TNNI3K: variants seen among roughly 807,000 people sequenced by gnomAD.
TNNI3K encodes the protein serine/threonine-protein kinase TNNI3K.
A neutral mutation model predicts 114.5 loss-of-function variants in TNNI3K; 140 were observed. That is an observed-to-expected ratio of 1.22 (90% CI 1.07 to 1.41). The LOEUF is 1.41. Ranked by LOEUF, TNNI3K falls within the 40% of genes most tolerant of loss-of-function variation. TNNI3K has a pLI of 0.00. For synonymous variants in TNNI3K, 347 were observed against 347.5 expected, an observed-to-expected ratio of 1.00 and a Z score of 0.02; for missense variants, 1,125 against 1,007.6, an observed-to-expected ratio of 1.12 and a Z score of -1.58.
At chr1:74,248,913 T>C (rs1654756015) in intron 2 of TNNI3K, among the ~76,000 whole-genome samples, 1 of 152,300 alleles carries the variant, frequency 6.6e-6, no homozygotes, top group Non-Finnish European at 1.5e-5. Flanking sequence ...TTTTCTTCTA[T>C]TAATGTCCCT....
chr1:74,382,451 A>G (rs1250424362), intron 17 of TNNI3K, among the ~76,000 whole-genome samples: 1 of 152,186 alleles, frequency 6.6e-6, no homozygotes, highest in African/African-American at 2.4e-5. Flanking sequence ...GTCTTGGACT[A>G]AGATTCATTT....
intron 7 of TNNI3K, among the ~76,000 whole-genome samples, chr1:74,337,753 A>G (rs1008158595): frequency 6.6e-6 from 1 of 152,048 alleles, no homozygotes; most frequent in African/African-American, 2.4e-5. Context: ...ACCAAAGGTA[A>G]TTAATATTCT....
At chr1:74,470,124 T>A in intron 21 of TNNI3K, 1 of 400,756 alleles carries the variant, frequency 2.5e-6, no homozygotes, top group African/African-American at 2.0e-5. Flanking sequence ...TAAAATTATG[T>A]ACATTACTGT....
In TNNI3K at chr1:74,395,924, C is replaced by G. The variant is rs28416592; in HGVS notation, c.1772+25532C>G. 5.9e-3 allele frequency among the ~76,000 whole-genome samples: 901 copies of G among 152,168 alleles called. 9 individuals are homozygous for G. Among genetic ancestry groups the G allele is most frequent in the African/African-American group, 0.021 (852 of 41,460 alleles). On this transcript the variant is annotated intron_variant, in intron 17 of 24. Coordinates refer to ENST00000326637, the MANE Select transcript of TNNI3K (RefSeq NM_015978.3). ...GAGCCCATTCATCAGCCTTTGGGCT[C>G]TTGGCCTAAGTTTGGCTCAGATGAG...
intron 17 of TNNI3K, among the ~76,000 whole-genome samples, chr1:74,432,823 G>T (rs1557562321): frequency 6.6e-6 from 1 of 151,902 alleles, no homozygotes; most frequent in Non-Finnish European, 1.5e-5. Flanking sequence ...TCGTCCTTTG[G>T]GTATGGTTGG....
At chr1:74,409,607 C>A (rs1164397468) in intron 17 of TNNI3K, among the ~76,000 whole-genome samples, 2 of 150,374 alleles carry the variant, frequency 1.3e-5, no homozygotes, top group African/African-American at 4.9e-5. Context: ...GATTCTCCTG[C>A]CTCAACCTCC....
chr1:74,433,492 G>GAGA (rs1665985592), intron 17 of TNNI3K, among the ~76,000 whole-genome samples: 1 of 152,138 alleles, frequency 6.6e-6, no homozygotes, highest in South Asian at 2.1e-4. Context: ...TGAGTGGTTA[G>GAGA]AGAAGGAGTG....
rs543268189 is a variant in TNNI3K, at chr1:74,253,804, G to C, written c.333+3035G>C. ...CCCAGGAAGGGGCTCCCACAGTGCA[G>C]CAGCGGGCTGAAGGGCTCCTCAAGT... On this transcript the variant is annotated intron_variant, in intron 4 of 24. Transcript: ENST00000326637. Among the ~76,000 whole-genome samples the C allele has an allele frequency of 2.0e-5, 3 of 152,342 alleles. No homozygotes were observed. In the South Asian group the frequency reaches 6.2e-4, roughly 32 times the overall value.
chr1:74,358,711 G>A (rs1431501632), intron 11 of TNNI3K, among the ~76,000 whole-genome samples: 1 of 151,806 alleles, frequency 6.6e-6, no homozygotes, highest in East Asian at 1.9e-4. Flanking sequence ...GTGAATTTTT[G>A]TTTTCGTATA....
intron 11 of TNNI3K, among the ~76,000 whole-genome samples, chr1:74,356,138 T>A (rs769289570): frequency 6.6e-6 from 1 of 152,192 alleles, no homozygotes; most frequent in Non-Finnish European, 1.5e-5. Flanking sequence ...GCTATGTACT[T>A]CTTTGTGTCT....
chr1:74,519,875 A>G (rs1348272429), intron 23 of TNNI3K, among the ~76,000 whole-genome samples: 1 of 152,132 alleles, frequency 6.6e-6, no homozygotes, highest in African/African-American at 2.4e-5. Context: ...TGGGTGTCCT[A>G]TCTGTGGGAG....
At chr1:74,469,832 AAAG>A (rs1667836795) in intron 21 of TNNI3K, 2 of 400,062 alleles carry the variant, frequency 5.0e-6, no homozygotes, top group Non-Finnish European at 8.9e-6. Context: ...CCTCTTGAAG[AAAG>A]CTAAAGTAGA....
At chr1:74,397,180 G>A (rs1664129288) in intron 17 of TNNI3K, among the ~76,000 whole-genome samples, 1 of 145,754 alleles carries the variant, frequency 6.9e-6, no homozygotes. Context: ...CCGAGTATGA[G>A]GGAGAAAGGA....
At chr1:74,351,435 A>G (rs1661333630) in intron 9 of TNNI3K, among the ~76,000 whole-genome samples, 1 of 150,484 alleles carries the variant, frequency 6.6e-6, no homozygotes, top group Admixed American at 6.6e-5. Context: ...GAATCTGACA[A>G]TTATGTGTCT....
chr1:74,305,360 A>T (rs1192150612), intron 5 of TNNI3K, among the ~76,000 whole-genome samples: 3 of 152,198 alleles, frequency 2.0e-5, no homozygotes, highest in African/African-American at 7.2e-5. Context: ...TTCAGGATCA[A>T]TACCCATGAA....
At chr1:74,399,155 T>TGAA (rs1664234045) in intron 17 of TNNI3K, among the ~76,000 whole-genome samples, 1 of 79,844 alleles carries the variant, frequency 1.3e-5, no homozygotes, top group African/African-American at 9.5e-5. Context: ...GCAAAACCCA[T>TGAA]TAAAAAAAAA....
At chr1:74,483,375 C>T in intron 21 of TNNI3K, 1 of 717,078 alleles carries the variant, frequency 1.4e-6, no homozygotes, top group Non-Finnish European at 2.6e-6. Context: ...CAGCCATCCA[C>T]CTGAAAGGAA....
chr1:74,367,147 T>G, intron 11 of TNNI3K, 109 bp from the exon 12 acceptor site: 2 of 1,030,648 alleles, frequency 1.9e-6, no homozygotes, highest in Non-Finnish European at 2.9e-6. Flanking sequence ...TTACCTCTTA[T>G]GATTTGTCCT....
rs146015238 is a variant in TNNI3K, at chr1:74,483,939, C to T, written c.2122-5250C>T. Among the ~76,000 whole-genome samples, 4 of 152,258 alleles carry T rather than the reference C, an allele frequency of 2.6e-5. 1 individual carries two copies. In the East Asian group the frequency reaches 5.8e-4, roughly 22 times the overall value. Reference sequence around the variant, plus strand: ...GTCAAGATTAAGCTCACAAGCTCTACTTAGCTTTGAATTCAGCTCTGTTTT... The same window carrying T: ...GTCAAGATTAAGCTCACAAGCTCTATTTAGCTTTGAATTCAGCTCTGTTTT... On this transcript the variant is annotated intron_variant, in intron 21 of 24. Coordinates refer to ENST00000326637, the MANE Select transcript of TNNI3K (RefSeq NM_015978.3).
Sources: allele counts gnomAD v4.1 joint callset (sites outside exome capture counted in the v4.1 genomes callset), GRCh38; gene constraint gnomAD v4.1.1; transcripts MANE v1.5; gene names NCBI Gene and HGNC (gene_info 2026-07-23, HGNC 2026-07-21).